The following FAIM variants were observed in gnomAD, a reference collection of about 807,000 sequenced individuals.
FAIM encodes the protein fas apoptotic inhibitory molecule 1.
Under a neutral mutation model 21.2 loss-of-function variants are expected in FAIM, and 14 were observed. The observed-to-expected ratio is 0.66, with a 90% confidence interval of 0.44 to 1.03. The LOEUF is 1.03. Ranked by LOEUF, FAIM falls within the 50% of genes least tolerant of loss-of-function variation. The pLI, the probability that FAIM is intolerant of heterozygous loss-of-function variation, is 0.00. For missense variants in FAIM, 222 were observed against 247.1 expected (o/e 0.90, Z 0.68); for synonymous variants, 86 against 80.4 (o/e 1.07, Z -0.37).
chr3:138,617,075 G>A (rs919205952), intron 1 of FAIM, among the ~76,000 whole-genome samples: 2 of 152,016 alleles, frequency 1.3e-5, no homozygotes, highest in African/African-American at 4.8e-5. Flanking sequence ...AAGAAAAAAT[G>A]TTTTAATGTG....
chr3:138,610,948 A>G, intron 1 of FAIM: 2 of 1,612,398 alleles, frequency 1.2e-6, no homozygotes, highest in South Asian at 1.1e-5. Flanking sequence ...TCTATGGCCC[A>G]TTCTATCCTA....
intron 5 of FAIM, among the ~76,000 whole-genome samples, chr3:138,632,363 C>CTATT (rs148241195): frequency 0.053 from 8,058 of 151,932 alleles, 679 homozygotes; most frequent in African/African-American, 0.18. Flanking sequence ...AACAGCATAT[C>CTATT]TATTTTCAGA....
intron 4 of FAIM, among the ~76,000 whole-genome samples, chr3:138,625,523 T>G (rs1485581149): frequency 3.3e-5 from 5 of 152,132 alleles, no homozygotes; most frequent in Admixed American, 3.3e-4. Context: ...TTACTACTCA[T>G]GGGCAAAGAA....
chr3:138,614,269 A>G (rs953423872), intron 1 of FAIM, among the ~76,000 whole-genome samples: 1 of 152,100 alleles, frequency 6.6e-6, no homozygotes, highest in Non-Finnish European at 1.5e-5. Flanking sequence ...GTGAAACCTC[A>G]TCTTCACAAA....
intron 5 of FAIM, 144 bp from the exon 6 acceptor site, chr3:138,632,786 A>G (rs1197074523): frequency 2.8e-6 from 2 of 703,868 alleles, no homozygotes; most frequent in African/African-American, 3.7e-5. Flanking sequence ...ATCTAAGTAC[A>G]AGCTTTAGAC....
chr3:138,626,478 T>G (rs2042940074), intron 4 of FAIM, among the ~76,000 whole-genome samples: 1 of 152,242 alleles, frequency 6.6e-6, no homozygotes, highest in Admixed American at 6.5e-5. Context: ...CTTGCTTTAT[T>G]CACTTATTAT....
At position 138,622,421 on chromosome 3, in the gene FAIM, G is replaced by T; in HGVS notation, c.406+5G>T. On this transcript the variant is annotated splice_donor_5th_base_variant and intron_variant, in intron 4 of 5. Transcript: ENST00000360570. ...AGAACTTTAGAATTGTTTTGGGTAA[G>T]TTAGTGCTGTTTCCGCAGAACTTTT... is the stretch of plus-strand genomic sequence containing the variant. The T allele has an allele frequency of 6.6e-7, 1 of 1,525,742 alleles. No individual in the cohort carries two copies. The highest frequency in any genetic ancestry group is 8.9e-7 in the Non-Finnish European group (1 of 1,128,118). The allele number at this position is 1,525,742 out of a possible 1,614,324, so 94.5% of individuals were successfully genotyped here.
intron 1 of FAIM, among the ~76,000 whole-genome samples, chr3:138,614,446 A>G (rs1179604111): frequency 1.3e-5 from 2 of 151,998 alleles, no homozygotes; most frequent in African/African-American, 4.8e-5. Context: ...ATCTCAAAAA[A>G]CAAAAAAAAA....
chr3:138,617,426 TATA>T (rs2108340276), intron 1 of FAIM, among the ~76,000 whole-genome samples: 1 of 147,148 alleles, frequency 6.8e-6, no homozygotes, highest in East Asian at 2.0e-4. Flanking sequence ...ATATAATAAA[TATA>T]ATATGTATAT....
At chr3:138,609,576 CG>C (rs111927937) in intron 1 of FAIM, among the ~76,000 whole-genome samples, 285 of 11,878 alleles carry the variant, frequency 0.024, 1 homozygote, top group Middle Eastern at 0.056. Context: ...CTCTCTCTCT[CG>C]ACTCTCTCTC....
In FAIM at chr3:138,621,468, G is replaced by A. The variant is rs770534378; in HGVS notation, c.106G>A (p.Asp36Asn). ...AGCTGTTTGGGATGTTGCTTTAAGT[G>A]ACGGAGTCCACAAGATCGAATTTGA... Reference protein sequence around the residue: ...LVAVWDVALSDGVHKIEFEHG... With the variant: ...LVAVWDVALSNGVHKIEFEHG... The change falls in exon 3 of 6, where the codon GAC becomes AAC. Residue 36 changes from aspartate to asparagine, a missense_variant. Coordinates refer to ENST00000360570, the MANE Select transcript of FAIM (RefSeq NM_001033031.2). The A allele has an allele frequency of 3.1e-6, 5 of 1,613,868 alleles. No individual in the cohort carries two copies. The East Asian group carries it at 1.1e-4, about 36-fold the overall frequency.
At chr3:138,609,557 T>A (rs892025849) in intron 1 of FAIM, among the ~76,000 whole-genome samples, 2 of 88,184 alleles carry the variant, frequency 2.3e-5, no homozygotes, top group Non-Finnish European at 2.3e-5. Flanking sequence ...TCTCTCTCTC[T>A]CTCTCTCTCT....
At chr3:138,621,641 T>C in intron 3 of FAIM, 102 bp downstream of exon 3, 1 of 1,036,156 alleles carries the variant, frequency 9.7e-7, no homozygotes, top group East Asian at 2.6e-5. Flanking sequence ...TTTTTTCTTG[T>C]AGTCATGTTT....
intron 1 of FAIM, among the ~76,000 whole-genome samples, chr3:138,617,433 TG>T (rs975410365): frequency 7.5e-5 from 11 of 147,190 alleles, no homozygotes; most frequent in African/African-American, 2.5e-4. Flanking sequence ...AAATATAATA[TG>T]TATATAAATA....
chr3:138,631,993 T>C (rs2043010476), intron 5 of FAIM, among the ~76,000 whole-genome samples: 1 of 152,198 alleles, frequency 6.6e-6, no homozygotes, highest in East Asian at 1.9e-4. Flanking sequence ...AGGAAGCTAA[T>C]AGCCAGGGGG....
chr3:138,629,308 A>G (rs1034698397), intron 5 of FAIM, 152 bp downstream of exon 5: 11 of 579,126 alleles, frequency 1.9e-5, no homozygotes, highest in Middle Eastern at 3.7e-4. Flanking sequence ...TCAGATTCTG[A>G]AAACCTTTGC....
chr3:138,609,354 A>G (rs192440926), intron 1 of FAIM, among the ~76,000 whole-genome samples: 130 of 152,008 alleles, frequency 8.6e-4, no homozygotes, highest in Admixed American at 1.4e-3. Context: ...ACCTCTAAAG[A>G]TAATACTTCT....
intron 3 of FAIM, 72 bp from the exon 4 acceptor site, chr3:138,622,116 T>C (rs2042893579): frequency 7.9e-7 from 1 of 1,258,886 alleles, no homozygotes; most frequent in Non-Finnish European, 1.1e-6. Flanking sequence ...CTTTGTTCAC[T>C]TTACGTTATT....
In FAIM at chr3:138,622,349, G is replaced by A; in HGVS notation, c.339G>A (p.Glu113=). 6.2e-7 allele frequency: 1 copy of A among 1,613,560 alleles called. No homozygotes were observed. Among genetic ancestry groups the A allele is most frequent in the Non-Finnish European group, 8.5e-7 (1 of 1,179,862 alleles). The change falls in exon 4 of 6, where the codon GAG becomes GAA. Residue 113 remains glutamate, a synonymous_variant. Transcript: ENST00000360570. ...GGAAAAGTCTCAAGAAGTATATGGAGGACAGATCAAAAACCACCAATACTT... is the reference window on the plus strand; with the variant it reads ...GGAAAAGTCTCAAGAAGTATATGGAAGACAGATCAAAAACCACCAATACTT... ...INGKSLKKYM[E]DRSKTTNTWV...
Sources: gnomAD v4.1 joint callset for allele counts (sites outside exome capture counted in the v4.1 genomes callset) on GRCh38, gnomAD v4.1.1 for gene constraint, MANE v1.5 for transcripts, NCBI Gene and HGNC (gene_info 2026-07-23, HGNC 2026-07-21) for gene names.